The following PTPRK variants were observed in gnomAD, a reference collection of about 807,000 sequenced individuals.
PTPRK encodes the protein receptor-type tyrosine-protein phosphatase kappa.
Under a neutral mutation model 178.0 loss-of-function variants are expected in PTPRK, and 75 were observed. The observed-to-expected ratio is 0.42, with a 90% confidence interval of 0.35 to 0.51. The LOEUF (loss-of-function observed/expected upper bound fraction) is 0.51, where lower values mean the gene tolerates loss of function less well. Among genes scored for constraint, PTPRK ranks in the 20% least tolerant of loss-of-function variants. PTPRK has a pLI of 0.02. For missense variants in PTPRK, 1,441 were observed against 1,797.8 expected, an observed-to-expected ratio of 0.80 and a Z score of 3.59; for synonymous variants, 637 against 620.6, an observed-to-expected ratio of 1.03 and a Z score of -0.39.
chr6:128,277,559 A>C (rs1410848086), intron 3 of PTPRK, among the ~76,000 whole-genome samples: 4 of 152,192 alleles, frequency 2.6e-5, no homozygotes, highest in Non-Finnish European at 5.9e-5. Flanking sequence ...GACTCTCGAA[A>C]CAGTAATACA....
intron 6 of PTPRK, among the ~76,000 whole-genome samples, chr6:128,193,040 A>G (rs1442693714): frequency 6.6e-6 from 1 of 152,112 alleles, no homozygotes; most frequent in East Asian, 1.9e-4. Flanking sequence ...TGGAGAACAC[A>G]ATACCCAAAC....
At chr6:128,134,427 T>C (rs1794713883) in intron 7 of PTPRK, among the ~76,000 whole-genome samples, 2 of 152,232 alleles carry the variant, frequency 1.3e-5, no homozygotes, top group Non-Finnish European at 2.9e-5. Context: ...GATAGTTTTA[T>C]GCGTCAGCTT....
chr6:128,517,755 T>C (rs1858301501), intron 1 of PTPRK, among the ~76,000 whole-genome samples: 1 of 152,224 alleles, frequency 6.6e-6, no homozygotes, highest in Non-Finnish European at 1.5e-5. Context: ...AGGAACCACA[T>C]GATATCGGAA....
At chr6:128,135,320 T>C (rs909296784) in intron 7 of PTPRK, among the ~76,000 whole-genome samples, 1 of 152,152 alleles carries the variant, frequency 6.6e-6, no homozygotes, top group African/African-American at 2.4e-5. Flanking sequence ...GGAGGACTGG[T>C]TGAAGGAGAG....
At chr6:128,403,380 C>T (rs1401600174) in intron 1 of PTPRK, among the ~76,000 whole-genome samples, 1 of 152,154 alleles carries the variant, frequency 6.6e-6, no homozygotes, top group Non-Finnish European at 1.5e-5. Flanking sequence ...ATGGGCCATA[C>T]ATCATCCACG....
chr6:128,402,085 T>C (rs950134218), intron 1 of PTPRK, among the ~76,000 whole-genome samples: 1 of 152,294 alleles, frequency 6.6e-6, no homozygotes, highest in Admixed American at 6.5e-5. Flanking sequence ...TTTGTTGATA[T>C]GATCTACAAA....
intron 1 of PTPRK, among the ~76,000 whole-genome samples, chr6:128,474,581 A>G (rs1320262414): frequency 6.6e-6 from 1 of 152,102 alleles, no homozygotes; most frequent in Non-Finnish European, 1.5e-5. Flanking sequence ...AAGGTTTTCA[A>G]TGGCTCTGTC....
At chr6:128,221,713 T>A (rs920397309) in intron 5 of PTPRK, among the ~76,000 whole-genome samples, 2 of 152,102 alleles carry the variant, frequency 1.3e-5, no homozygotes, top group Non-Finnish European at 2.9e-5. Flanking sequence ...CTATTTTTTA[T>A]TCATTACTTT....
At chr6:128,238,126 G>T (rs1169192776) in intron 5 of PTPRK, 2 of 441,510 alleles carry the variant, frequency 4.5e-6, no homozygotes, top group South Asian at 1.6e-5. Context: ...GAAGAATGAG[G>T]CAATGTCCAT....
At chr6:128,486,778 A>T (rs971387396) in intron 1 of PTPRK, among the ~76,000 whole-genome samples, 1 of 151,894 alleles carries the variant, frequency 6.6e-6, no homozygotes, top group Non-Finnish European at 1.5e-5. Context: ...ATCCTGTAGA[A>T]AGAAAGAAAG....
chr6:128,515,697 TACACGTGCACAC>T (rs1857895215), intron 1 of PTPRK, among the ~76,000 whole-genome samples: 1 of 151,538 alleles, frequency 6.6e-6, no homozygotes, highest in Admixed American at 6.6e-5. Flanking sequence ...CACACACACA[TACACGTGCACAC>T]ACACAGAATC....
At chr6:128,422,049 C>T (rs1267865259) in intron 1 of PTPRK, among the ~76,000 whole-genome samples, 2 of 152,196 alleles carry the variant, frequency 1.3e-5, no homozygotes, top group African/African-American at 2.4e-5. Flanking sequence ...AGGGAGATCC[C>T]TCTGCCTACA....
rs115788740 is a variant in PTPRK at position 128,459,373 on chromosome 6, G to A, written c.100+60886C>T. On this transcript the variant is annotated intron_variant, in intron 1 of 29. Coordinates refer to ENST00000368226, the MANE Select transcript of PTPRK (RefSeq NM_002844.4). ...ACAGGCAAGAAACCCACAACCACCTGGAAACCTTGTTCCACCTCACCAAGT... is the reference window on the plus strand; with the variant it reads ...ACAGGCAAGAAACCCACAACCACCTAGAAACCTTGTTCCACCTCACCAAGT... Among the ~76,000 whole-genome samples the A allele has an allele frequency of 3.6e-3, 552 of 152,050 alleles. 5 individuals carry two copies. The highest frequency in any genetic ancestry group is 0.012 in the African/African-American group (516 of 41,492).
At chr6:128,368,334 G>A (rs1196906303) in intron 2 of PTPRK, among the ~76,000 whole-genome samples, 1 of 151,344 alleles carries the variant, frequency 6.6e-6, no homozygotes, top group Non-Finnish European at 1.5e-5. Context: ...ATTCATGTAA[G>A]AGGAATTCCA....
chr6:128,110,960 A>G (rs1008189132), intron 7 of PTPRK, among the ~76,000 whole-genome samples: 3 of 152,190 alleles, frequency 2.0e-5, no homozygotes, highest in African/African-American at 7.2e-5. Flanking sequence ...TTTTCAATTT[A>G]CTGACTGTCA....
chr6:128,038,070 A>C (rs1776522228), intron 13 of PTPRK, among the ~76,000 whole-genome samples: 1 of 152,198 alleles, frequency 6.6e-6, no homozygotes, highest in Non-Finnish European at 1.5e-5. Context: ...CATCATAGTG[A>C]ACACTGAAAA....
chr6:128,417,093 T>C (rs770935757), intron 1 of PTPRK, among the ~76,000 whole-genome samples: 1 of 151,396 alleles, frequency 6.6e-6, no homozygotes, highest in Non-Finnish European at 1.5e-5. Flanking sequence ...GGACATTTTA[T>C]CTAAAGTCTG....
chr6:127,978,687 AT>A (rs955721933), intron 25 of PTPRK, among the ~76,000 whole-genome samples: 1 of 152,184 alleles, frequency 6.6e-6, no homozygotes, highest in Non-Finnish European at 1.5e-5. Flanking sequence ...CTATCTACTC[AT>A]TTTTTGAGCC....
chr6:128,043,539 C>T (rs1481102662), intron 13 of PTPRK, among the ~76,000 whole-genome samples: 1 of 151,612 alleles, frequency 6.6e-6, no homozygotes, highest in African/African-American at 2.4e-5. Flanking sequence ...CAATATCATA[C>T]TATAAAGCCA....
Sources: gnomAD v4.1 joint callset for allele counts (sites outside exome capture counted in the v4.1 genomes callset) on GRCh38, gnomAD v4.1.1 for gene constraint, MANE v1.5 for transcripts, NCBI Gene and HGNC (gene_info 2026-07-23, HGNC 2026-07-21) for gene names.